ELAVL2: variants seen among roughly 807,000 people sequenced by gnomAD.
ELAVL2 encodes ELAV-like protein 2.
ELAVL2 carries 4 observed loss-of-function variants against 34.6 expected under a neutral mutation model. The ratio of observed to expected loss-of-function variants is 0.12; its 90% CI spans 0.06 to 0.26. The LOEUF (loss-of-function observed/expected upper bound fraction) is 0.26. Ranked by LOEUF, ELAVL2 falls within the 10% of genes least tolerant of loss-of-function variation. ELAVL2 has a pLI of 1.00. For synonymous variants in ELAVL2, 193 were observed against 154.8 expected (o/e 1.25, Z -1.83); for missense variants, 432 against 442.8 (o/e 0.98, Z 0.22).
chr9:23,840,056 G>A, the ELAVL2 span, among the ~76,000 whole-genome samples: 1 of 152,168 alleles, frequency 6.6e-6, no homozygotes, highest in South Asian at 2.1e-4. Flanking sequence ...TATTCACGCA[G>A]ACCTGAATTC....
Position 23,701,407 on chromosome 9 carries a change from G to T in ELAVL2, c.685C>A (p.Pro229Thr). The change falls in exon 5 of 7, where the codon CCG becomes ACG. Residue 229 changes from proline (P) to threonine (T), a missense_variant. This residue lies in a region of ELAVL2 where 295 missense variants were observed against 306.1 expected (regional missense o/e 0.96). Coordinates refer to ENST00000397312, the MANE Select transcript of ELAVL2 (RefSeq NM_004432.5). ...AAACGCTGTGCCTGCTGAGCTAGCG[G>T]TCCTGGATACCTTCTGTTTGGAGAC... The part of the protein sequence containing the change: ...YQSPNRRYPG[P>T]LAQQAQRFRL... 1.2e-6 allele frequency: 2 copies of T among 1,614,114 alleles called. No homozygotes were observed.
rs149100970 is a variant in ELAVL2, at chr9:23,715,999, A to G, written c.334-10928T>C. Among the ~76,000 whole-genome samples the G allele has an allele frequency of 7.2e-5, 11 of 152,316 alleles. No individual in the cohort carries two copies. In the East Asian group the frequency reaches 1.5e-3, roughly 21 times the overall value. On this transcript the variant is annotated intron_variant, in intron 3 of 6. Transcript: ENST00000397312. ...AGAAGTACATGAAAAGGAGAAGTGG[A>G]TAAGACAAGAGACGGGTAGGTGGAC...
chr9:23,721,890 T>A (rs1316503867), intron 3 of ELAVL2, among the ~76,000 whole-genome samples: 1 of 152,258 alleles, frequency 6.6e-6, no homozygotes, highest in African/African-American at 2.4e-5. Context: ...TAACTGTTTA[T>A]GTTATCAGTA....
chr9:23,839,342 T>C, the ELAVL2 span, among the ~76,000 whole-genome samples: 1 of 152,132 alleles, frequency 6.6e-6, no homozygotes, highest in African/African-American at 2.4e-5. Flanking sequence ...CCCTCACTCA[T>C]GCACTCATTT....
intron 1 of ELAVL2, among the ~76,000 whole-genome samples, chr9:23,771,466 A>G (rs566951442): frequency 4.6e-5 from 7 of 152,042 alleles, no homozygotes; most frequent in African/African-American, 1.7e-4. Flanking sequence ...CCAACATACA[A>G]AAATTTTGAC....
intron 2 of ELAVL2, among the ~76,000 whole-genome samples, chr9:23,749,855 T>C (rs535701109): frequency 3.9e-5 from 6 of 152,126 alleles, no homozygotes; most frequent in African/African-American, 1.4e-4. Context: ...CCTTCTTTCA[T>C]TATAATCTAT....
intron 1 of ELAVL2, among the ~76,000 whole-genome samples, chr9:23,788,644 A>G (rs985239236): frequency 6.6e-6 from 1 of 152,216 alleles, no homozygotes; most frequent in Non-Finnish European, 1.5e-5. Flanking sequence ...TAAAGGGAAC[A>G]TGGAGCACTT....
intron 1 of ELAVL2, among the ~76,000 whole-genome samples, chr9:23,811,860 G>A (rs918731413): frequency 6.6e-6 from 1 of 151,976 alleles, no homozygotes; most frequent in Non-Finnish European, 1.5e-5. Flanking sequence ...CTGAGCTCCT[G>A]GCAAACTAGG....
At chr9:23,733,272 G>GTA (rs1015475166) in intron 2 of ELAVL2, among the ~76,000 whole-genome samples, 2 of 151,648 alleles carry the variant, frequency 1.3e-5, no homozygotes, top group South Asian at 2.1e-4. Flanking sequence ...GTTTGTGTCT[G>GTA]TATATATATG....
At chr9:23,705,097 G>A in intron 3 of ELAVL2, 26 bp from the exon 4 acceptor site, 1 of 1,613,106 alleles carries the variant, frequency 6.2e-7, no homozygotes, top group Non-Finnish European at 8.5e-7. Flanking sequence ...AAAATTAAAT[G>A]TATATGCATG....
intron 1 of ELAVL2, among the ~76,000 whole-genome samples, chr9:23,791,964 A>G (rs909037429): frequency 6.6e-6 from 1 of 152,174 alleles, no homozygotes; most frequent in Non-Finnish European, 1.5e-5. Flanking sequence ...TTTTCCTGGA[A>G]TCTGAACCTT....
the ELAVL2 span, among the ~76,000 whole-genome samples, chr9:23,838,968 C>G: frequency 8.5e-4 from 130 of 152,226 alleles, no homozygotes; most frequent in Middle Eastern, 0.01. Context: ...AATCACTATT[C>G]AGAGAATGGA....
intron 1 of ELAVL2, among the ~76,000 whole-genome samples, chr9:23,789,258 G>C (rs1187620544): frequency 6.6e-6 from 1 of 152,136 alleles, no homozygotes; most frequent in African/African-American, 2.4e-5. Flanking sequence ...CCAGTGCCCA[G>C]ACACTAGACG....
At chr9:23,838,443 T>C in the ELAVL2 span, among the ~76,000 whole-genome samples, 1 of 152,072 alleles carries the variant, frequency 6.6e-6, no homozygotes, top group South Asian at 2.1e-4. Flanking sequence ...CCCCTTGAGC[T>C]TTTCAGTTTA....
At chr9:23,738,062 T>G (rs2048310197) in intron 2 of ELAVL2, among the ~76,000 whole-genome samples, 2 of 152,204 alleles carry the variant, frequency 1.3e-5, no homozygotes, top group African/African-American at 4.8e-5. Context: ...GCAAATATAT[T>G]GTATTTCTTC....
intron 1 of ELAVL2, among the ~76,000 whole-genome samples, chr9:23,795,984 G>A (rs1588593562): frequency 6.6e-6 from 1 of 152,254 alleles, no homozygotes; most frequent in African/African-American, 2.4e-5. Flanking sequence ...GATCAATATT[G>A]TTTCCCACCA....
chr9:23,696,149 C>T (rs1310671373), intron 5 of ELAVL2, among the ~76,000 whole-genome samples: 1 of 152,156 alleles, frequency 6.6e-6, no homozygotes, highest in Admixed American at 6.5e-5. Flanking sequence ...TCCTCCATCA[C>T]CAACGAGTGT....
intron 2 of ELAVL2, among the ~76,000 whole-genome samples, chr9:23,736,810 A>G (rs1303398591): frequency 6.6e-6 from 1 of 152,188 alleles, no homozygotes; most frequent in African/African-American, 2.4e-5. Context: ...AGAACTTCTT[A>G]AAACACAAAT....
At chr9:23,727,430 T>A (rs1334440920) in intron 3 of ELAVL2, among the ~76,000 whole-genome samples, 1 of 152,058 alleles carries the variant, frequency 6.6e-6, no homozygotes, top group Non-Finnish European at 1.5e-5. Flanking sequence ...GAAAAAACAT[T>A]AATATTTTGG....
Sources: allele counts gnomAD v4.1 joint callset (sites outside exome capture counted in the v4.1 genomes callset), GRCh38; gene constraint gnomAD v4.1.1; regional missense constraint gnomAD v4.1.1; transcripts MANE v1.5; gene names NCBI Gene and HGNC (gene_info 2026-07-23, HGNC 2026-07-21).